Variants in ZNF407 observed in about 807,000 individuals in gnomAD.
ZNF407 encodes zinc finger protein 407.
ZNF407 carries 17 observed loss-of-function variants against 131.2 expected under a neutral mutation model. That is an observed-to-expected ratio of 0.13 (90% CI 0.09 to 0.19). ZNF407 has a LOEUF of 0.19. ZNF407 is among the 10% of genes least tolerant of loss of function. ZNF407 has a pLI of 1.00. For synonymous variants in ZNF407, 1,156 were observed against 1,062.0 expected (o/e 1.09, Z -1.72); for missense variants, 2,681 against 2,830.6 (o/e 0.95, Z 1.20).
intron 1 of ZNF407, among the ~76,000 whole-genome samples, chr18:74,612,783 A>G (rs189915876): frequency 1.1e-4 from 16 of 152,308 alleles, no homozygotes; most frequent in Admixed American, 1.0e-3. Flanking sequence ...CACCTTGCCC[A>G]TGGGCACAGA....
chr18:74,910,213 AC>A (rs1306035649), intron 7 of ZNF407, among the ~76,000 whole-genome samples: 73 of 152,330 alleles, frequency 4.8e-4, no homozygotes, highest in African/African-American at 1.7e-3. Context: ...AGTGATAGAC[AC>A]TTACGCATAT....
chr18:74,748,923 T>C (rs543460), intron 3 of ZNF407, among the ~76,000 whole-genome samples: 146,138 of 152,206 alleles, frequency 0.96, 70,424 homozygotes, highest in East Asian at 1. Context: ...AGAAGCCAGT[T>C]TGTGTTGTGG....
intron 8 of ZNF407, among the ~76,000 whole-genome samples, chr18:74,982,854 T>A (rs1599277887): frequency 1.3e-5 from 2 of 152,328 alleles, no homozygotes; most frequent in African/African-American, 2.4e-5. Context: ...GTAGCATTTT[T>A]AAAAAATTGA....
At chr18:74,690,404 G>A (rs1271422104) in intron 3 of ZNF407, among the ~76,000 whole-genome samples, 1 of 150,936 alleles carries the variant, frequency 6.6e-6, no homozygotes, top group Non-Finnish European at 1.5e-5. Context: ...AAAACATTTT[G>A]GGGGAAATGT....
At chr18:74,672,603 CACTGTTTTTCT>C (rs1986196626) in intron 3 of ZNF407, among the ~76,000 whole-genome samples, 1 of 144,972 alleles carries the variant, frequency 6.9e-6, no homozygotes, top group African/African-American at 2.9e-5. Flanking sequence ...TTTGTTGGAG[CACTGTTTTTCT>C]GTTCATTGGA....
chr18:74,873,232 A>G (rs1263882156), intron 4 of ZNF407, among the ~76,000 whole-genome samples: 1 of 152,142 alleles, frequency 6.6e-6, no homozygotes, highest in Admixed American at 6.5e-5. Context: ...ACCAGGTGAG[A>G]GTTTCTAGTT....
Position 74,881,096 on chromosome 18 carries a change from C to T in ZNF407, c.5105C>T (p.Thr1702Ile). 1.9e-6 allele frequency: 3 copies of T among 1,579,388 alleles called. No individual in the cohort carries two copies. The highest frequency in any genetic ancestry group is 2.6e-6 in the Non-Finnish European group (3 of 1,162,206). ...GFAGGTRHAL[T>I]KHRRQHTGEK... ...GCCGGCGGGACCCGCCACGCCCTCACCAAGCATCGCAGACAGCACACAGGT... is the reference window on the plus strand; with the variant it reads ...GCCGGCGGGACCCGCCACGCCCTCATCAAGCATCGCAGACAGCACACAGGT... Residue 1702 changes from threonine (T) to isoleucine (I), a missense_variant, in exon 6 of 9, where the codon ACC becomes ATC. By Grantham distance (89) the Thr-to-Ile change is moderately conservative. Coordinates refer to ENST00000299687, the MANE Select transcript of ZNF407 (RefSeq NM_017757.3).
intron 1 of ZNF407, among the ~76,000 whole-genome samples, chr18:74,620,478 G>A (rs1983467422): frequency 6.6e-6 from 1 of 152,090 alleles, no homozygotes; most frequent in South Asian, 2.1e-4. Flanking sequence ...TGAGCATTAA[G>A]GAAATATTTT....
At chr18:74,821,319 T>C (rs1191478230) in intron 4 of ZNF407, among the ~76,000 whole-genome samples, 1 of 152,012 alleles carries the variant, frequency 6.6e-6, no homozygotes, top group African/African-American at 2.4e-5. Flanking sequence ...GTGCAGAACA[T>C]TGCAGTTTTG....
At chr18:75,025,718 A>T (rs1320435509) in intron 8 of ZNF407, among the ~76,000 whole-genome samples, 1 of 152,186 alleles carries the variant, frequency 6.6e-6, no homozygotes, top group Non-Finnish European at 1.5e-5. Flanking sequence ...GCTTCTCCTA[A>T]TGCTACTTGT....
intron 8 of ZNF407, among the ~76,000 whole-genome samples, chr18:74,974,822 CTATG>C (rs940291555): frequency 1.3e-5 from 2 of 152,118 alleles, no homozygotes; most frequent in Admixed American, 6.5e-5. Flanking sequence ...AAGGTCTATC[CTATG>C]TATACAGTAC....
At chr18:74,735,786 A>AT (rs1968398305) in intron 3 of ZNF407, among the ~76,000 whole-genome samples, 1 of 152,210 alleles carries the variant, frequency 6.6e-6, no homozygotes, top group Admixed American at 6.5e-5. Context: ...TTGTGGCCAT[A>AT]TTGGAAAGTT....
At chr18:74,604,476 T>A (rs7507023) in intron 1 of ZNF407, among the ~76,000 whole-genome samples, 133,098 of 152,232 alleles carry the variant, frequency 0.87, 58,335 homozygotes, top group East Asian at 1. Flanking sequence ...GCCCAAAGTG[T>A]CAGATCTTCT....
chr18:75,037,784 C>G (rs979907854), intron 8 of ZNF407, among the ~76,000 whole-genome samples: 1 of 152,126 alleles, frequency 6.6e-6, no homozygotes, highest in African/African-American at 2.4e-5. Context: ...TGTACAGAAA[C>G]TCGGCAGGCC....
chr18:74,669,775 A>G (rs1986069556), intron 3 of ZNF407, among the ~76,000 whole-genome samples: 1 of 152,190 alleles, frequency 6.6e-6, no homozygotes, highest in South Asian at 2.1e-4. Context: ...TAGCCTGGTT[A>G]GAGTAGAATT....
rs968974703 is a variant in ZNF407 at position 75,064,702 on chromosome 18, C to T, written c.*234C>T. 6.8e-6 allele frequency: 3 copies of T among 438,790 alleles called. No homozygotes were observed. Among genetic ancestry groups the T allele is most frequent in the East Asian group, 3.3e-5 (1 of 30,432 alleles). The allele number at this position is 438,790 out of a possible 1,614,324, so 27.2% of individuals were successfully genotyped here. On this transcript the variant is annotated 3_prime_UTR_variant, in exon 9 of 9. Coordinates refer to ENST00000299687, the MANE Select transcript of ZNF407 (RefSeq NM_017757.3). ...CTGCCAAGTGCAGGGGAGGGCCGGG[C>T]GCAGGCCGCACAGGGAGCTCCGGTC...
At chr18:74,941,592 G>T (rs1042885023) in intron 8 of ZNF407, among the ~76,000 whole-genome samples, 6 of 152,194 alleles carry the variant, frequency 3.9e-5, no homozygotes, top group Non-Finnish European at 7.3e-5. Flanking sequence ...TATAAATAGG[G>T]TTGTAATAAA....
rs1253501871 is a variant in ZNF407, at chr18:75,065,583, A to G, written c.*1115A>G. On this transcript the variant is annotated 3_prime_UTR_variant, in exon 9 of 9. Coordinates refer to ENST00000299687, the MANE Select transcript of ZNF407 (RefSeq NM_017757.3). ...TACAATTGTTCTTATTCTTTTCCAA[A>G]ACTGTAAAATAATCTCCTCCCTCAA... 1.3e-5 allele frequency: 2 copies of G among 152,168 alleles called. No individual in the cohort carries two copies. Among genetic ancestry groups the G allele is most frequent in the Non-Finnish European group, 2.9e-5 (2 of 68,038 alleles). The allele number at this position is 152,168 out of a possible 1,614,324, so 9.4% of individuals were successfully genotyped here.
chr18:74,822,120 G>C (rs561003241), intron 4 of ZNF407, among the ~76,000 whole-genome samples: 29 of 152,148 alleles, frequency 1.9e-4, no homozygotes, highest in Admixed American at 1.7e-3. Context: ...TGATGGGGTT[G>C]TTTTTTTCTT....
Sources: gnomAD v4.1 joint callset for allele counts (sites outside exome capture counted in the v4.1 genomes callset) on GRCh38, gnomAD v4.1.1 for gene constraint, MANE v1.5 for transcripts, NCBI Gene and HGNC (gene_info 2026-07-23, HGNC 2026-07-21) for gene names.